KLF12: variants seen among roughly 807,000 people sequenced by gnomAD.
KLF12 encodes the protein KLF transcription factor 12.
A neutral mutation model predicts 37.8 loss-of-function variants in KLF12; 9 were observed. The ratio of observed to expected loss-of-function variants is 0.24; its 90% CI spans 0.14 to 0.42. KLF12 has a LOEUF of 0.42. Ranked by LOEUF, KLF12 falls within the 10% of genes least tolerant of loss-of-function variation. KLF12 has a pLI of 1.00. For synonymous variants in KLF12, 208 were observed against 202.1 expected (o/e 1.03, Z -0.25); for missense variants, 411 against 516.0 (o/e 0.80, Z 1.97).
At position 73,815,084 on chromosome 13, in the gene KLF12, C is replaced by G. The variant is rs532813501; in HGVS notation, c.671-1797G>C. On this transcript the variant is annotated intron_variant, in intron 4 of 7. Coordinates refer to ENST00000377669, the MANE Select transcript of KLF12 (RefSeq NM_007249.5). ...ACTGTCATGTGACTCTGTACCTCCTCAAATGTTAGGAATTAGGCAATAATA... is the reference window on the plus strand; with the variant it reads ...ACTGTCATGTGACTCTGTACCTCCTGAAATGTTAGGAATTAGGCAATAATA... 1.6e-4 allele frequency among the ~76,000 whole-genome samples: 25 copies of G among 151,822 alleles called. 1 individual carries two copies. The highest frequency in any genetic ancestry group is 6.0e-4 in the African/African-American group (25 of 41,414).
intron 3 of KLF12, among the ~76,000 whole-genome samples, chr13:73,901,187 C>T (rs907142041): frequency 1.3e-5 from 2 of 152,160 alleles, no homozygotes; most frequent in Non-Finnish European, 2.9e-5. Context: ...ACGACTTCAC[C>T]TACAGAGACA....
At chr13:74,078,001 T>C (rs1215744591) in intron 1 of KLF12, among the ~76,000 whole-genome samples, 1 of 152,348 alleles carries the variant, frequency 6.6e-6, no homozygotes, top group South Asian at 2.1e-4. Context: ...GCTTCTTTCA[T>C]CTGCCTTTTA....
intron 1 of KLF12, among the ~76,000 whole-genome samples, chr13:74,070,809 G>A (rs1448049545): frequency 6.6e-6 from 1 of 152,102 alleles, no homozygotes. Context: ...CTGGGGTTGG[G>A]TCTGTAACAT....
chr13:74,022,732 G>A (rs2138433181), intron 1 of KLF12, among the ~76,000 whole-genome samples: 1 of 150,620 alleles, frequency 6.6e-6, no homozygotes, highest in East Asian at 1.9e-4. Flanking sequence ...CACCTGCAGT[G>A]ACCACTCCAA....
the KLF12 span, among the ~76,000 whole-genome samples, chr13:74,216,180 C>T: frequency 2.7e-3 from 410 of 152,236 alleles, no homozygotes; most frequent in African/African-American, 9.3e-3. Flanking sequence ...TTTGAAATCA[C>T]GTTTCCACTT....
the KLF12 span, among the ~76,000 whole-genome samples, chr13:74,213,937 C>T: frequency 6.6e-6 from 1 of 152,076 alleles, no homozygotes; most frequent in Non-Finnish European, 1.5e-5. Context: ...TTTACCTCAT[C>T]TCATACTTCC....
intron 3 of KLF12, among the ~76,000 whole-genome samples, chr13:73,908,759 C>A (rs1380841534): frequency 1.3e-5 from 2 of 152,066 alleles, no homozygotes; most frequent in Non-Finnish European, 2.9e-5. Context: ...GGATTACAGG[C>A]GTGAGCTACC....
intron 3 of KLF12, among the ~76,000 whole-genome samples, chr13:73,918,529 G>A (rs1263494867): frequency 1.3e-5 from 2 of 152,012 alleles, no homozygotes; most frequent in African/African-American, 2.4e-5. Flanking sequence ...ATTTTAGGCC[G>A]ATTTTTATAC....
At chr13:73,999,450 T>C (rs542284114) in intron 1 of KLF12, among the ~76,000 whole-genome samples, 34 of 152,178 alleles carry the variant, frequency 2.2e-4, no homozygotes, top group Admixed American at 5.2e-4. Flanking sequence ...AACCCAGGCA[T>C]AGGCCGGGCA....
chr13:73,799,442 A>T (rs1882169935), intron 5 of KLF12, among the ~76,000 whole-genome samples: 1 of 152,072 alleles, frequency 6.6e-6, no homozygotes, highest in African/African-American at 2.4e-5. Flanking sequence ...ATATATTTTT[A>T]AAAATCAGAC....
intron 6 of KLF12, among the ~76,000 whole-genome samples, chr13:73,729,004 A>G (rs1246837444): frequency 6.6e-6 from 1 of 152,126 alleles, no homozygotes; most frequent in Admixed American, 6.5e-5. Context: ...TACTATGTCA[A>G]CTGTTCCCAT....
At chr13:74,253,065 C>A in the KLF12 span, among the ~76,000 whole-genome samples, 2 of 152,068 alleles carry the variant, frequency 1.3e-5, no homozygotes, top group East Asian at 1.9e-4. Context: ...TATCTATCAT[C>A]TTTAAACCCT....
chr13:73,857,005 A>G (rs1885645946), intron 3 of KLF12, among the ~76,000 whole-genome samples: 1 of 152,068 alleles, frequency 6.6e-6, no homozygotes, highest in Admixed American at 6.5e-5. Flanking sequence ...AAAATAAGAT[A>G]AAATATAATA....
chr13:74,286,256 C>T, the KLF12 span, among the ~76,000 whole-genome samples: 2,108 of 151,960 alleles, frequency 0.014, 47 homozygotes, highest in African/African-American at 0.047. Flanking sequence ...ATGTATACAA[C>T]GAAAAGTACA....
intron 4 of KLF12, among the ~76,000 whole-genome samples, chr13:73,844,448 C>T (rs1022175891): frequency 9.9e-5 from 15 of 152,074 alleles, no homozygotes; most frequent in African/African-American, 2.7e-4. Context: ...AGCTCCTGGA[C>T]CATTAGAGAA....
At chr13:74,158,021 A>G in the KLF12 span, among the ~76,000 whole-genome samples, 1 of 152,206 alleles carries the variant, frequency 6.6e-6, no homozygotes, top group Admixed American at 6.5e-5. Context: ...AATTTAAAAT[A>G]TTATGGCTTA....
At chr13:73,997,705 A>G (rs1408570423) in intron 1 of KLF12, among the ~76,000 whole-genome samples, 1 of 150,856 alleles carries the variant, frequency 6.6e-6, no homozygotes, top group African/African-American at 2.4e-5. Flanking sequence ...CCCAAAGCAC[A>G]GAAGTTTTAA....
At chr13:74,108,069 T>C (rs1261239928) in intron 1 of KLF12, among the ~76,000 whole-genome samples, 1 of 152,244 alleles carries the variant, frequency 6.6e-6, no homozygotes, top group Non-Finnish European at 1.5e-5. Context: ...ACTTCTTCAC[T>C]GTGGCATTAT....
At position 74,047,740 on chromosome 13, in the gene KLF12, G is replaced by C. The variant is rs138898808; in HGVS notation, c.-31-52687C>G. 3.8e-4 allele frequency among the ~76,000 whole-genome samples: 58 copies of C among 152,256 alleles called. 1 individual carries two copies. The East Asian group carries it at 9.8e-3, about 26-fold the overall frequency. ...AGAAGTGAATAGAGAGAGTACTAAG[G>C]ATACTAGTCAAATTGCCACATGCAG... On this transcript the variant is annotated intron_variant, in intron 1 of 7. Coordinates refer to ENST00000377669, the MANE Select transcript of KLF12 (RefSeq NM_007249.5).
Sources: gnomAD v4.1 joint callset for allele counts (sites outside exome capture counted in the v4.1 genomes callset) on GRCh38, gnomAD v4.1.1 for gene constraint, MANE v1.5 for transcripts, NCBI Gene and HGNC (gene_info 2026-07-23, HGNC 2026-07-21) for gene names.